The following CPED1 variants were observed in gnomAD, a reference collection of about 807,000 sequenced individuals.
The protein encoded by CPED1 is cadherin like and PC-esterase domain containing 1.
Under a neutral mutation model 128.2 loss-of-function variants are expected in CPED1, and 114 were observed. The ratio of observed to expected loss-of-function variants is 0.89; its 90% CI spans 0.76 to 1.04. The LOEUF is 1.04. CPED1 is among the 50% of genes least tolerant of loss of function. The pLI is 0.00. For synonymous variants in CPED1, 462 were observed against 426.7 expected (o/e 1.08, Z -1.02); for missense variants, 1,211 against 1,207.1 (o/e 1.00, Z -0.05).
intron 12 of CPED1, among the ~76,000 whole-genome samples, chr7:121,132,978 C>A (rs776111867): frequency 6.6e-6 from 1 of 152,068 alleles, no homozygotes; most frequent in Admixed American, 6.6e-5. Flanking sequence ...ATGTCATATT[C>A]ATCTCTTCTC....
chr7:121,081,160 C>T (rs762990304), intron 5 of CPED1, among the ~76,000 whole-genome samples: 2 of 152,058 alleles, frequency 1.3e-5, no homozygotes, highest in Non-Finnish European at 2.9e-5. Flanking sequence ...TTGTCACAGG[C>T]GTCTAGCCTC....
chr7:121,227,788 A>T (rs961155528), intron 16 of CPED1, among the ~76,000 whole-genome samples: 1 of 152,098 alleles, frequency 6.6e-6, no homozygotes, highest in African/African-American at 2.4e-5. Flanking sequence ...TAAATGCTTT[A>T]AAAATACATC....
intron 5 of CPED1, among the ~76,000 whole-genome samples, chr7:121,088,792 A>AAAAAAAAAAAAAAAAAAAAT (rs1794508143): frequency 7.5e-6 from 1 of 133,010 alleles, no homozygotes; most frequent in Non-Finnish European, 1.7e-5. Flanking sequence ...AAAAAAAAAA[A>AAAAAAAAAAAAAAAAAAAAT]TTGAAAGTGT....
intron 3 of CPED1, among the ~76,000 whole-genome samples, chr7:121,026,607 C>T (rs1376415701): frequency 6.7e-6 from 1 of 149,058 alleles, no homozygotes; most frequent in African/African-American, 2.5e-5. Context: ...GCCCAGGTGA[C>T]ACTCCAGAAA....
chr7:121,240,903 G>C (rs1798376668), intron 17 of CPED1, among the ~76,000 whole-genome samples: 1 of 152,060 alleles, frequency 6.6e-6, no homozygotes, highest in African/African-American at 2.4e-5. Context: ...TATCTAAGGA[G>C]GTTTGCTTGA....
intron 16 of CPED1, among the ~76,000 whole-genome samples, chr7:121,152,623 G>T (rs2116405548): frequency 6.6e-6 from 1 of 152,022 alleles, no homozygotes. Flanking sequence ...CAGTGCCTAG[G>T]CACATAAAGA....
chr7:121,115,508 C>T (rs1795216352), intron 7 of CPED1, among the ~76,000 whole-genome samples: 1 of 152,022 alleles, frequency 6.6e-6, no homozygotes, highest in Non-Finnish European at 1.5e-5. Flanking sequence ...CTTAATAAGA[C>T]CTAAAATAGA....
intron 16 of CPED1, among the ~76,000 whole-genome samples, chr7:121,226,585 A>G (rs1191782430): frequency 6.6e-6 from 1 of 152,092 alleles, no homozygotes; most frequent in African/African-American, 2.4e-5. Flanking sequence ...TGTACTTTGT[A>G]AAGTAGATTT....
At chr7:121,045,647 G>T (rs1793177041) in intron 3 of CPED1, among the ~76,000 whole-genome samples, 5 of 152,176 alleles carry the variant, frequency 3.3e-5, no homozygotes, top group Admixed American at 3.3e-4. Flanking sequence ...TAGACCTAAT[G>T]CAGGAGATGA....
intron 7 of CPED1, among the ~76,000 whole-genome samples, chr7:121,116,081 A>G (rs1204617746): frequency 6.6e-6 from 1 of 152,130 alleles, no homozygotes; most frequent in Admixed American, 6.5e-5. Flanking sequence ...GTATTTCTGT[A>G]CTCTGCTTCT....
chr7:121,031,698 G>T (rs1426060944), intron 3 of CPED1, among the ~76,000 whole-genome samples: 1 of 151,552 alleles, frequency 6.6e-6, no homozygotes, highest in Non-Finnish European at 1.5e-5. Flanking sequence ...CTTCAGTATT[G>T]GATATTTATC....
chr7:121,011,460 C>A (rs1357355237), intron 2 of CPED1, among the ~76,000 whole-genome samples: 1 of 152,136 alleles, frequency 6.6e-6, no homozygotes, highest in African/African-American at 2.4e-5. Flanking sequence ...CAAGTCTTAA[C>A]CACTTTCTGT....
chr7:121,265,379 A>G (rs798924), intron 18 of CPED1, among the ~76,000 whole-genome samples: 7,473 of 152,066 alleles, frequency 0.049, 591 homozygotes, highest in African/African-American at 0.17. Context: ...TCACAATTCT[A>G]AAGATTAAAA....
intron 10 of CPED1, 111 bp from the exon 11 acceptor site, chr7:121,128,270 CA>C: frequency 1.5e-6 from 1 of 649,976 alleles, no homozygotes; most frequent in Admixed American, 2.6e-5. Context: ...TTAATTAGCT[CA>C]GTTGTTTATA....
intron 3 of CPED1, among the ~76,000 whole-genome samples, chr7:121,038,373 A>T (rs531967177): frequency 5.3e-5 from 8 of 152,216 alleles, no homozygotes; most frequent in African/African-American, 1.7e-4. Context: ...AGTCCTCTGA[A>T]TTTTTTTAAA....
intron 16 of CPED1, among the ~76,000 whole-genome samples, chr7:121,210,425 A>G (rs1487746207): frequency 6.6e-6 from 1 of 152,056 alleles, no homozygotes; most frequent in Admixed American, 6.6e-5. Flanking sequence ...TCATCAACAG[A>G]TAAATGGATA....
chr7:121,037,055 T>C (rs1792914239), intron 3 of CPED1, among the ~76,000 whole-genome samples: 2 of 152,198 alleles, frequency 1.3e-5, no homozygotes, highest in South Asian at 4.1e-4. Flanking sequence ...GCTGGATGTA[T>C]ACAATGTGAA....
At chr7:121,146,711 G>GATGTACCATTAAGTA (rs2116386204) in intron 16 of CPED1, among the ~76,000 whole-genome samples, 1 of 152,184 alleles carries the variant, frequency 6.6e-6, no homozygotes, top group East Asian at 1.9e-4. Context: ...TACCAACTTA[G>GATGTACCATTAAGTA]CCATAATGAA....
intron 2 of CPED1, among the ~76,000 whole-genome samples, chr7:121,011,623 C>A (rs1792164881): frequency 6.6e-6 from 1 of 151,966 alleles, no homozygotes; most frequent in Non-Finnish European, 1.5e-5. Context: ...ACAAAATGGT[C>A]AAAAACATGT....
Sources: gnomAD v4.1 joint callset for allele counts (sites outside exome capture counted in the v4.1 genomes callset) on GRCh38, gnomAD v4.1.1 for gene constraint, MANE v1.5 for transcripts, NCBI Gene and HGNC (gene_info 2026-07-23, HGNC 2026-07-21) for gene names.